The following TBCK variants were observed in gnomAD, a reference collection of about 807,000 sequenced individuals.
The protein encoded by TBCK is TBC1 domain containing kinase, also known as TBC domain-containing protein kinase-like protein.
Under a neutral mutation model 113.4 loss-of-function variants are expected in TBCK, and 99 were observed. The observed-to-expected ratio is 0.87, with a 90% CI of 0.74 to 1.03. TBCK has a LOEUF of 1.03. Ranked by LOEUF, TBCK falls within the 50% of genes least tolerant of loss-of-function variation. The pLI is 0.00. For synonymous variants in TBCK, 369 were observed against 370.8 expected, an observed-to-expected ratio of 1.00 and a Z score of 0.05; for missense variants, 1,045 against 1,061.3, an observed-to-expected ratio of 0.98 and a Z score of 0.21.
At chr4:106,093,590 T>C (rs1161332570) in intron 25 of TBCK, among the ~76,000 whole-genome samples, 4 of 152,208 alleles carry the variant, frequency 2.6e-5, no homozygotes, top group Admixed American at 2.6e-4. Flanking sequence ...AAATGGTTTA[T>C]GATCAATAGT....
intron 24 of TBCK, among the ~76,000 whole-genome samples, chr4:106,108,756 C>G (rs1742486962): frequency 6.6e-6 from 1 of 152,098 alleles, no homozygotes; most frequent in Non-Finnish European, 1.5e-5. Flanking sequence ...AAGTCCTAGT[C>G]AGAGCAATGA....
rs1553944382 is a variant in TBCK, at chr4:106,155,158, T to TTC, written c.2235+15936_2235+15937insGA. Among the ~76,000 whole-genome samples the TTC allele has an allele frequency of 5.9e-4, 89 of 152,022 alleles. 3 individuals carry two copies. The highest frequency in any genetic ancestry group is 1.7e-3 in the Admixed American group (26 of 15,260). On this transcript the variant is annotated intron_variant, in intron 23 of 25. Coordinates refer to ENST00000394708, the MANE Select transcript of TBCK (RefSeq NM_001163435.3). ...TTCTAGGGTAAAATTTTTTTTTTTTTCAGCACTTTAAATATGTCATGCCAC... is the reference window on the plus strand; with the variant it reads ...TTCTAGGGTAAAATTTTTTTTTTTTTTCCAGCACTTTAAATATGTCATGCCAC...
intron 7 of TBCK, among the ~76,000 whole-genome samples, chr4:106,250,021 C>A (rs1205871542): frequency 6.6e-6 from 1 of 151,964 alleles, no homozygotes; most frequent in Non-Finnish European, 1.5e-5. Context: ...AAGGAAAAAT[C>A]AATATTCTTC....
intron 23 of TBCK, among the ~76,000 whole-genome samples, chr4:106,127,181 C>A (rs2149606333): frequency 7.6e-6 from 1 of 131,186 alleles, no homozygotes; most frequent in Non-Finnish European, 1.5e-5. Flanking sequence ...GCACTCCAGC[C>A]TGGTGACAGA....
intron 23 of TBCK, among the ~76,000 whole-genome samples, chr4:106,123,317 C>G (rs565461037): frequency 2.0e-4 from 30 of 152,212 alleles, no homozygotes; most frequent in Non-Finnish European, 2.8e-4. Context: ...ACTTACAAGG[C>G]ATGTGAAGGA....
intron 23 of TBCK, among the ~76,000 whole-genome samples, chr4:106,132,256 G>A (rs1255243668): frequency 6.6e-6 from 1 of 152,156 alleles, no homozygotes; most frequent in African/African-American, 2.4e-5. Flanking sequence ...GGTTTTGTGG[G>A]TGGGGCCCAG....
chr4:106,220,531 A>G (rs1757556667), intron 19 of TBCK, among the ~76,000 whole-genome samples: 1 of 143,302 alleles, frequency 7.0e-6, no homozygotes, highest in Non-Finnish European at 1.5e-5. Context: ...GCTTCAGGGC[A>G]AAAAGAAAAA....
chr4:106,210,885 C>G (rs944830905), intron 20 of TBCK, among the ~76,000 whole-genome samples: 8 of 152,090 alleles, frequency 5.3e-5, no homozygotes, highest in African/African-American at 1.7e-4. Context: ...GTTATTTGTC[C>G]TTGTGTGTTT....
chr4:106,206,413 A>G (rs1039206596), intron 20 of TBCK, among the ~76,000 whole-genome samples: 20 of 152,172 alleles, frequency 1.3e-4, no homozygotes, highest in Non-Finnish European at 8.8e-5. Flanking sequence ...AAGCTTCACT[A>G]CGAGAGAGAG....
At chr4:106,295,018 C>G in intron 3 of TBCK, 76 bp downstream of exon 3, 1 of 1,199,624 alleles carries the variant, frequency 8.3e-7, no homozygotes, top group Non-Finnish European at 1.2e-6. Context: ...AAACCAAACC[C>G]CTGCAGTTTA....
At chr4:106,058,233 T>C (rs1453103872) in intron 25 of TBCK, among the ~76,000 whole-genome samples, 1 of 151,744 alleles carries the variant, frequency 6.6e-6, no homozygotes, top group Non-Finnish European at 1.5e-5. Flanking sequence ...AAATGCTACC[T>C]AGAGCCATCA....
intron 3 of TBCK, among the ~76,000 whole-genome samples, chr4:106,289,716 C>T (rs796358116): frequency 1.0e-4 from 15 of 148,606 alleles, no homozygotes; most frequent in African/African-American, 3.5e-4. Flanking sequence ...TGCAGTGAGC[C>T]GAGATCATGC....
chr4:106,046,502 T>G lies in TBCK; in HGVS notation c.*68A>C. ...CATCTAGTTTTGTCTGAGAGTGGCG[T>G]GGATATGAAGAACTGTGCTGTTGGT... On this transcript the variant is annotated 3_prime_UTR_variant, in exon 26 of 26. Transcript: ENST00000394708. 1 of 817,006 alleles carries G rather than the reference T, an allele frequency of 1.2e-6. No individual in the cohort carries two copies. The highest frequency in any genetic ancestry group is 2.1e-6 in the Non-Finnish European group (1 of 479,324). The allele number at this position is 817,006 out of a possible 1,614,324, so 50.6% of individuals were successfully genotyped here.
At chr4:106,306,724 A>G (rs974223275) in intron 2 of TBCK, among the ~76,000 whole-genome samples, 1 of 152,170 alleles carries the variant, frequency 6.6e-6, no homozygotes, top group Non-Finnish European at 1.5e-5. Context: ...TTTGCTTCAA[A>G]GCTAGGTTTC....
intron 23 of TBCK, among the ~76,000 whole-genome samples, chr4:106,140,608 A>G (rs1436697140): frequency 7.1e-6 from 1 of 141,444 alleles, no homozygotes; most frequent in Non-Finnish European, 1.6e-5. Flanking sequence ...ACCTTTCCAA[A>G]CAATCCAGGT....
At chr4:106,072,455 C>T (rs577496772) in intron 25 of TBCK, among the ~76,000 whole-genome samples, 11 of 152,224 alleles carry the variant, frequency 7.2e-5, no homozygotes, top group South Asian at 2.1e-4. Context: ...GAGTGTCTGC[C>T]GAGAGATCTG....
intron 24 of TBCK, among the ~76,000 whole-genome samples, chr4:106,109,754 A>G (rs1020370291): frequency 5.9e-5 from 9 of 152,224 alleles, no homozygotes; most frequent in Non-Finnish European, 1.0e-4. Flanking sequence ...CAATCACAAC[A>G]AAAGCAAAAA....
chr4:106,192,626 C>A (rs1049418545), intron 22 of TBCK, among the ~76,000 whole-genome samples: 1 of 151,952 alleles, frequency 6.6e-6, no homozygotes, highest in Non-Finnish European at 1.5e-5. Flanking sequence ...AGGTATTTTT[C>A]TTATTATTTT....
At chr4:106,265,068 C>T (rs1762865955) in intron 3 of TBCK, among the ~76,000 whole-genome samples, 1 of 151,810 alleles carries the variant, frequency 6.6e-6, no homozygotes, top group Non-Finnish European at 1.5e-5. Flanking sequence ...CTAATGTGGG[C>T]ATATTTGTGC....
Sources: gnomAD v4.1 joint callset for allele counts (sites outside exome capture counted in the v4.1 genomes callset) on GRCh38, gnomAD v4.1.1 for gene constraint, MANE v1.5 for transcripts, NCBI Gene and HGNC (gene_info 2026-07-23, HGNC 2026-07-21) for gene names.